Variants in GAREM2 observed in about 807,000 individuals in gnomAD.
GAREM2 encodes GRB2-associated and regulator of MAPK protein 2.
A neutral mutation model predicts 55.6 loss-of-function variants in GAREM2; 30 were observed. That is an observed-to-expected ratio of 0.54 (90% CI 0.40 to 0.73). GAREM2 has a LOEUF of 0.73. Among genes scored for constraint, GAREM2 ranks in the 30% least tolerant of loss-of-function variants. The probability of loss-of-function intolerance (pLI) is 0.00; values close to 1 mark genes in which losing one functional copy is unlikely to be tolerated. For missense variants in GAREM2, 1,075 were observed against 1,257.7 expected, an observed-to-expected ratio of 0.85 and a Z score of 2.20; for synonymous variants, 550 against 569.1, an observed-to-expected ratio of 0.97 and a Z score of 0.48.
intron 2 of GAREM2, among the ~76,000 whole-genome samples, chr2:26,178,548 C>T (rs925699862): frequency 2.0e-5 from 3 of 151,922 alleles, no homozygotes; most frequent in Admixed American, 1.3e-4. Context: ...ATGATGGTAC[C>T]CCTGCATTCC....
At chr2:26,193,432 A>G (rs7582341), downstream of GAREM2, 627,937 of 790,254 alleles carry the variant, frequency 0.79, 250,862 homozygotes, top group African/African-American at 0.93. Context: ...CCTGACTCAT[A>G]AAATCATTTT....
At chr2:26,187,133 A>C in intron 5 of GAREM2, 98 bp from the exon 6 acceptor site, 4 of 1,328,246 alleles carry the variant, frequency 3.0e-6, no homozygotes, top group Non-Finnish European at 2.9e-6. Flanking sequence ...CGTGTTGCTG[A>C]GGTCATAGTG....
At chr2:26,193,496 C>T (rs1000037528), downstream of GAREM2, 5 of 1,163,832 alleles carry the variant, frequency 4.3e-6, no homozygotes, top group Non-Finnish European at 6.5e-6. Flanking sequence ...TCCACGAGGG[C>T]TTCTGTAACT....
intron 4 of GAREM2, 139 bp downstream of exon 4, chr2:26,185,415 G>T: frequency 7.6e-7 from 1 of 1,310,666 alleles, no homozygotes; most frequent in East Asian, 3.1e-5. Context: ...AAAGGGCAGA[G>T]GCATGCCAGG....
In GAREM2 at chr2:26,188,166, G is replaced by T. The variant is rs1419343554; in HGVS notation, c.2534G>T (p.Ser845Ile). 4.5e-6 allele frequency: 7 copies of T among 1,550,014 alleles called. No homozygotes were observed. The highest frequency in any genetic ancestry group is 6.1e-6 in the Non-Finnish European group (7 of 1,146,020). ...RIDGSIFVQL[S>I]EDILADDFHL... ...GATGGTAGCATCTTTGTGCAGCTCA[G>T]TGAGGACATCCTGGCAGATGACTTC... is the stretch of plus-strand genomic sequence containing the variant. The change falls in exon 6 of 6, where the codon AGT becomes ATT. Residue 845 changes from serine to isoleucine, a missense_variant. By Grantham distance (142) the Ser-to-Ile change is moderately radical. Transcript: ENST00000401533.
At chr2:26,180,362 A>T (rs990615652) in intron 2 of GAREM2, among the ~76,000 whole-genome samples, 6 of 152,050 alleles carry the variant, frequency 3.9e-5, no homozygotes, top group African/African-American at 1.4e-4. Flanking sequence ...TTTTTCTGGG[A>T]TGAACATCCC....
Position 26,187,607 on chromosome 2 carries a change from A to G in GAREM2, c.1975A>G (p.Thr659Ala), listed in dbSNP as rs1216673458. 1 of 1,549,294 alleles carries G rather than the reference A, an allele frequency of 6.5e-7. No individual in the cohort carries two copies. Among genetic ancestry groups the G allele is most frequent in the South Asian group, 1.2e-5 (1 of 83,624 alleles). ...GPRTTSGPVA[T>A]SGPAYSPGPA... Reference sequence around the variant, plus strand: ...CAGAACCACCTCGGGTCCTGTGGCTACCTCTGGCCCTGCGTATTCCCCAGG... The same window carrying G: ...CAGAACCACCTCGGGTCCTGTGGCTGCCTCTGGCCCTGCGTATTCCCCAGG... Residue 659 changes from threonine (T) to alanine (A), a missense_variant, in exon 6 of 6, where the codon ACC becomes GCC. Physicochemically the swap from Thr to Ala is moderately conservative, Grantham distance 58. Transcript: ENST00000401533.
At chr2:26,182,658 T>C (rs906152385) in intron 2 of GAREM2, among the ~76,000 whole-genome samples, 1 of 152,114 alleles carries the variant, frequency 6.6e-6, no homozygotes, top group Non-Finnish European at 1.5e-5. Context: ...TGTGTCCACA[T>C]GTTTGGGGCT....
the GAREM2 span, among the ~76,000 whole-genome samples, chr2:26,201,961 ATT>A: frequency 7.0e-3 from 960 of 137,174 alleles, 5 homozygotes; most frequent in South Asian, 0.011. Context: ...CGCCTGGCTA[ATT>A]TTTTTTTTTT....
intron 5 of GAREM2, 28 bp from the exon 6 acceptor site, chr2:26,187,203 A>ATGTG (rs1226771611): frequency 7.0e-7 from 1 of 1,434,250 alleles, no homozygotes; most frequent in East Asian, 2.6e-5. Flanking sequence ...CACCTGTCCT[A>ATGTG]TGTGTGTGTG....
chr2:26,193,562 C>G, downstream of GAREM2: 1 of 1,602,838 alleles, frequency 6.2e-7, no homozygotes. Flanking sequence ...GTTATGTTTC[C>G]TTGAGGCTAC....
intron 2 of GAREM2, chr2:26,181,923 G>A: frequency 1.3e-6 from 1 of 794,374 alleles, no homozygotes; most frequent in Middle Eastern, 6.4e-4. Flanking sequence ...AAGCTGCAGT[G>A]AGTTGTGATC....
At chr2:26,194,485 G>A, downstream of GAREM2, 1 of 876,146 alleles carries the variant, frequency 1.1e-6, no homozygotes, top group Non-Finnish European at 2.0e-6. Flanking sequence ...TCAGAAGGAA[G>A]CTTGGTCCTT....
downstream of GAREM2, chr2:26,191,720 A>G (rs925893560): frequency 1.5e-6 from 2 of 1,320,932 alleles, no homozygotes. Flanking sequence ...GGATGGGTGC[A>G]TGGGGAGCTC....
the GAREM2 span, chr2:26,197,712 A>C: frequency 6.6e-7 from 1 of 1,514,256 alleles, no homozygotes; most frequent in Non-Finnish European, 9.2e-7. Flanking sequence ...TTTTGCTGAC[A>C]GCAGCGATTT....
In GAREM2 at chr2:26,184,435, G is replaced by T. The variant is rs1174456218; in HGVS notation, c.587G>T (p.Gly196Val). 6.8e-7 allele frequency: 1 copy of T among 1,476,074 alleles called. No individual in the cohort carries two copies. Among genetic ancestry groups the T allele is most frequent in the Non-Finnish European group, 9.0e-7 (1 of 1,112,256 alleles). 91.4% of individuals were successfully genotyped at this position (1,476,074 alleles called of 1,614,324 possible). Residue 196 changes from glycine to valine, a missense_variant, in exon 4 of 6, where the codon GGG becomes GTG. Around this residue, in one of 6 missense-constraint regions of GAREM2, gnomAD observed 230 missense variants for 310.6 expected, o/e 0.74. Transcript: ENST00000401533. Reference protein sequence around the residue: ...GVGGGGPASAGAAGGTGGGGA... With the variant: ...GVGGGGPASAVAAGGTGGGGA... Reference sequence around the variant, plus strand: ...GGCGGCGGCGGCCCAGCGAGCGCGGGGGCCGCGGGAGGCACTGGCGGCGGG... The same window carrying T: ...GGCGGCGGCGGCCCAGCGAGCGCGGTGGCCGCGGGAGGCACTGGCGGCGGG...
intron 2 of GAREM2, 87 bp downstream of exon 2, chr2:26,176,571 A>C (rs1478867298): frequency 8.1e-7 from 1 of 1,242,076 alleles, no homozygotes; most frequent in East Asian, 3.0e-5. Flanking sequence ...GAACGCTGGG[A>C]CTAGCGAGGC....
At chr2:26,184,126 G>A in intron 3 of GAREM2, 107 bp from the exon 4 acceptor site, 3 of 1,476,258 alleles carry the variant, frequency 2.0e-6, no homozygotes, top group Non-Finnish European at 2.7e-6. Context: ...CCGAGCCCCG[G>A]GAGGGCGGAA....
chr2:26,195,603 G>A, the GAREM2 span, among the ~76,000 whole-genome samples: 3 of 151,426 alleles, frequency 2.0e-5, no homozygotes, highest in African/African-American at 4.9e-5. Context: ...TTTGGGCGGG[G>A]GTGGGGCAGG....
Sources: gnomAD v4.1 joint callset for allele counts (sites outside exome capture counted in the v4.1 genomes callset) on GRCh38, gnomAD v4.1.1 for gene constraint, gnomAD v4.1.1 regional missense constraint, MANE v1.5 for transcripts, NCBI Gene and HGNC (gene_info 2026-07-23, HGNC 2026-07-21) for gene names.